Variants in SBF2 observed in about 807,000 individuals in gnomAD.
SBF2 encodes SET binding factor 2, also known as myotubularin-related protein 13.
Under a neutral mutation model 225.2 loss-of-function variants are expected in SBF2, and 112 were observed. The ratio of observed to expected loss-of-function variants is 0.50; its 90% confidence interval spans 0.43 to 0.58. The LOEUF (loss-of-function observed/expected upper bound fraction) is 0.58, where lower values mean the gene tolerates loss of function less well. Among genes scored for constraint, SBF2 ranks in the 20% least tolerant of loss-of-function variants. The probability of loss-of-function intolerance (pLI) is 0.00; values close to 1 mark genes in which losing one functional copy is unlikely to be tolerated. For missense variants in SBF2, 1,996 were observed against 2,206.2 expected (o/e 0.90, Z 1.91); for synonymous variants, 763 against 773.3 (o/e 0.99, Z 0.22).
At chr11:10,039,904 A>T (rs1949587818) in intron 3 of SBF2, among the ~76,000 whole-genome samples, 1 of 152,096 alleles carries the variant, frequency 6.6e-6, no homozygotes, top group East Asian at 1.9e-4. Context: ...AAAATAATAA[A>T]AACCATTAAT....
At chr11:9,986,566 T>C (rs1438466875) in intron 13 of SBF2, among the ~76,000 whole-genome samples, 4 of 150,792 alleles carry the variant, frequency 2.7e-5, no homozygotes, top group African/African-American at 9.7e-5. Flanking sequence ...AGACAGAAAA[T>C]CCAAATAATC....
chr11:10,233,325 T>G (rs1193925063), intron 1 of SBF2, among the ~76,000 whole-genome samples: 1 of 152,136 alleles, frequency 6.6e-6, no homozygotes, highest in Non-Finnish European at 1.5e-5. Context: ...CTAATCATCA[T>G]CAAAACTGAA....
intron 26 of SBF2, chr11:9,839,288 A>C (rs1436688438): frequency 1.7e-6 from 1 of 590,042 alleles, no homozygotes; most frequent in Non-Finnish European, 3.0e-6. Context: ...TGAGTACTTT[A>C]CCTTTCACCT....
intron 2 of SBF2, among the ~76,000 whole-genome samples, chr11:10,075,467 T>C (rs755098152): frequency 1.3e-5 from 2 of 152,338 alleles, no homozygotes; most frequent in Middle Eastern, 3.4e-3. Context: ...AATCTTATGT[T>C]GAATCGTGAT....
chr11:9,930,917 G>T (rs1242567609), intron 16 of SBF2, among the ~76,000 whole-genome samples: 1 of 152,234 alleles, frequency 6.6e-6, no homozygotes, highest in Non-Finnish European at 1.5e-5. Context: ...TTTTACCAAG[G>T]TCTTAGCAAC....
chr11:10,124,020 A>G (rs1255298808), intron 2 of SBF2, among the ~76,000 whole-genome samples: 1 of 152,206 alleles, frequency 6.6e-6, no homozygotes, highest in African/African-American at 2.4e-5. Flanking sequence ...TTATAGAAAC[A>G]TTTTATGGTT....
rs867865900 is a variant in SBF2, at chr11:9,784,365, C to T, written c.5305G>A (p.Val1769Ile). Residue 1769 changes from valine to isoleucine, a missense_variant, in exon 38 of 40, where the codon GTA becomes ATA. Physicochemically the swap from Val to Ile is conservative, Grantham distance 29. Transcript: ENST00000256190. ...GWKPRWFVLD[V>I]TKHQLRYYDS... ...AAGAGTATTACCTGATGTTTTGTTA[C>T]ATCCAAAACAAACCAACGGGGCTTC... 4 of 1,612,930 alleles carry T rather than the reference C, an allele frequency of 2.5e-6. No homozygotes were observed. The highest frequency in any genetic ancestry group is 3.4e-6 in the Non-Finnish European group (4 of 1,178,874).
Position 9,808,972 on chromosome 11 carries a change from C to A in SBF2, c.4186G>T (p.Val1396Leu), listed in dbSNP as rs751799091. The A allele has an allele frequency of 1.9e-6, 3 of 1,613,978 alleles. No individual in the cohort carries two copies. Among genetic ancestry groups the A allele is most frequent in the Non-Finnish European group, 2.5e-6 (3 of 1,179,880 alleles). Reference protein sequence around the residue: ...LHRIMQLAVVVSEVLENGSSV... With the variant: ...LHRIMQLAVVLSEVLENGSSV... The stretch of plus-strand genomic sequence containing the variant: ...GAACCATTCTCAAGTACTTCTGATA[C>A]AACCACAGCCAGCTGCATTATCCTG... The change falls in exon 31 of 40, where the codon GTA becomes TTA. Residue 1396 changes from valine (V) to leucine (L), a missense_variant. By Grantham distance (32) the Val-to-Leu change is conservative. Transcript: ENST00000256190.
At chr11:9,814,033 A>G (rs963735394) in intron 29 of SBF2, among the ~76,000 whole-genome samples, 1 of 152,144 alleles carries the variant, frequency 6.6e-6, no homozygotes, top group Non-Finnish European at 1.5e-5. Flanking sequence ...GTATCAACCT[A>G]TATTTATTTG....
intron 13 of SBF2, among the ~76,000 whole-genome samples, chr11:9,983,399 C>T (rs1054807536): frequency 2.0e-5 from 3 of 152,142 alleles, no homozygotes; most frequent in African/African-American, 4.8e-5. Context: ...AATCTCACCC[C>T]CATCCCCCAC....
At chr11:10,196,838 AT>A (rs1233385145) in intron 1 of SBF2, among the ~76,000 whole-genome samples, 2 of 61,054 alleles carry the variant, frequency 3.3e-5, no homozygotes, top group Non-Finnish European at 6.8e-5. Flanking sequence ...TCTTGCATAA[AT>A]ATATATATAT....
intron 2 of SBF2, among the ~76,000 whole-genome samples, chr11:10,174,843 T>C (rs914125335): frequency 3.3e-5 from 5 of 150,898 alleles, no homozygotes; most frequent in Non-Finnish European, 5.9e-5. Context: ...CAGAAGACAG[T>C]GGGGGCCAAT....
intron 17 of SBF2, among the ~76,000 whole-genome samples, chr11:9,864,964 C>T (rs1179348595): frequency 6.6e-6 from 1 of 151,722 alleles, no homozygotes; most frequent in Admixed American, 6.6e-5. Context: ...GGCTACAGTG[C>T]AGTTGGCACA....
At chr11:10,196,247 T>C (rs1957350570) in intron 1 of SBF2, among the ~76,000 whole-genome samples, 1 of 152,232 alleles carries the variant, frequency 6.6e-6, no homozygotes, top group South Asian at 2.1e-4. Context: ...ACTGAAATTG[T>C]TTTAAGTTTA....
intron 1 of SBF2, among the ~76,000 whole-genome samples, chr11:10,290,955 A>T (rs1396003338): frequency 1.3e-5 from 2 of 152,122 alleles, no homozygotes; most frequent in African/African-American, 4.8e-5. Flanking sequence ...GGATCCCTAA[A>T]TGGCTGATTA....
chr11:10,223,764 G>C (rs892315484), intron 1 of SBF2, among the ~76,000 whole-genome samples: 7 of 151,962 alleles, frequency 4.6e-5, no homozygotes, highest in African/African-American at 1.7e-4. Flanking sequence ...TCAAGAGTGA[G>C]AATTTTTAAC....
Position 10,014,616 on chromosome 11 carries a change from A to G in SBF2, c.620-11927T>C, listed in dbSNP as rs1329886303. 5.3e-5 allele frequency among the ~76,000 whole-genome samples: 8 copies of G among 151,948 alleles called. No homozygotes were observed. In the South Asian group the frequency reaches 1.7e-3, roughly 32 times the overall value. On this transcript the variant is annotated intron_variant, in intron 6 of 39. Transcript: ENST00000256190. ...TACAGTCAAATACTCATAAGTTACT[A>G]AAGTAACTTAGTTTTTTTTCCCTCT... is the stretch of plus-strand genomic sequence containing the variant.
intron 2 of SBF2, among the ~76,000 whole-genome samples, chr11:10,151,420 A>G (rs1225097261): frequency 1.3e-5 from 2 of 152,204 alleles, no homozygotes; most frequent in Non-Finnish European, 2.9e-5. Flanking sequence ...ATCTTTGAAA[A>G]TGGTAAAAGT....
At chr11:10,108,608 T>C (rs1195624396) in intron 2 of SBF2, among the ~76,000 whole-genome samples, 1 of 134,192 alleles carries the variant, frequency 7.5e-6, no homozygotes, top group Non-Finnish European at 1.5e-5. Context: ...CACTGCAAGC[T>C]CCGCCTCCCG....
Sources: allele counts gnomAD v4.1 joint callset (sites outside exome capture counted in the v4.1 genomes callset), GRCh38; gene constraint gnomAD v4.1.1; transcripts MANE v1.5; gene names NCBI Gene and HGNC (gene_info 2026-07-23, HGNC 2026-07-21).